LTBP1: variants seen among roughly 807,000 people sequenced by gnomAD.
LTBP1 encodes the protein latent-transforming growth factor beta-binding protein 1.
In LTBP1, 129 loss-of-function variants were observed where a neutral mutation model predicts 207.6. That is an observed-to-expected ratio of 0.62 (90% confidence interval 0.54 to 0.72). The LOEUF (loss-of-function observed/expected upper bound fraction) is 0.72, where lower values mean the gene tolerates loss of function less well. LTBP1 is among the 30% of genes least tolerant of loss of function. The pLI is 0.00. For missense variants in LTBP1, 2,281 were observed against 2,217.2 expected, an observed-to-expected ratio of 1.03 and a Z score of -0.58; for synonymous variants, 963 against 833.7, an observed-to-expected ratio of 1.16 and a Z score of -2.67.
intron 3 of LTBP1, among the ~76,000 whole-genome samples, chr2:33,050,516 T>C (rs922371397): frequency 1.3e-5 from 2 of 152,062 alleles, no homozygotes; most frequent in Non-Finnish European, 2.9e-5. Context: ...TAATGAACTA[T>C]TATGGAGTAT....
intron 26 of LTBP1, among the ~76,000 whole-genome samples, chr2:33,360,152 T>C (rs1367617760): frequency 6.6e-6 from 1 of 152,208 alleles, no homozygotes; most frequent in African/African-American, 2.4e-5. Context: ...TCAGAAAAGA[T>C]TGGGAGCATG....
intron 2 of LTBP1, among the ~76,000 whole-genome samples, chr2:32,993,771 C>G (rs1684809840): frequency 6.6e-6 from 1 of 152,294 alleles, no homozygotes; most frequent in Non-Finnish European, 1.5e-5. Context: ...GCCTGACCCC[C>G]TTGTGTAACA....
intron 31 of LTBP1, among the ~76,000 whole-genome samples, chr2:33,380,424 C>T (rs376340839): frequency 2.4e-5 from 3 of 125,682 alleles, no homozygotes; most frequent in Middle Eastern, 7.8e-3. Flanking sequence ...TAAAAAAATA[C>T]AAAAAAAAAA....
At chr2:33,338,056 C>A (rs1048168149) in intron 24 of LTBP1, among the ~76,000 whole-genome samples, 1 of 152,106 alleles carries the variant, frequency 6.6e-6, no homozygotes, top group Non-Finnish European at 1.5e-5. Flanking sequence ...TAAAGTGAAA[C>A]AAATGTCCTC....
At position 33,262,927 on chromosome 2, in the gene LTBP1, C is replaced by A. The variant is rs1467081530; in HGVS notation, c.2518+106C>A. The A allele has an allele frequency of 1.8e-5, 12 of 675,334 alleles. No individual in the cohort carries two copies. The Admixed American group carries it at 1.9e-4, about 11-fold the overall frequency. The allele number at this position is 675,334 out of a possible 1,614,324, so 41.8% of individuals were successfully genotyped here. ...TGTAGTAAATTACTAGACTTCATAA[C>A]TGAAGTTCAGTGTTAAGTATAGTAA... On this transcript the variant is annotated intron_variant, in intron 14 of 33. Transcript: ENST00000404816.
chr2:33,193,793 A>G (rs1267811737), intron 7 of LTBP1, among the ~76,000 whole-genome samples: 1 of 152,136 alleles, frequency 6.6e-6, no homozygotes, highest in African/African-American at 2.4e-5. Flanking sequence ...TAAGATGGCA[A>G]ACTTAATTGA....
At chr2:33,048,695 C>T (rs547576791) in intron 3 of LTBP1, among the ~76,000 whole-genome samples, 13 of 152,128 alleles carry the variant, frequency 8.5e-5, no homozygotes, top group Non-Finnish European at 1.5e-4. Context: ...TCGAGGGAAG[C>T]GTGTGTGCTC....
chr2:33,153,706 CCTGGT>C (rs2083723334), intron 5 of LTBP1, among the ~76,000 whole-genome samples: 2 of 152,126 alleles, frequency 1.3e-5, no homozygotes, highest in Non-Finnish European at 2.9e-5. Flanking sequence ...CTTGCCAATT[CCTGGT>C]AAATTCTAAG....
intron 2 of LTBP1, among the ~76,000 whole-genome samples, chr2:32,969,579 C>T (rs1365286864): frequency 2.0e-5 from 3 of 152,154 alleles, no homozygotes; most frequent in Non-Finnish European, 4.4e-5. Context: ...CCAGCTCCAT[C>T]CATGTTGTTG....
intron 4 of LTBP1, among the ~76,000 whole-genome samples, chr2:33,127,777 G>A (rs539434764): frequency 6.6e-6 from 1 of 152,272 alleles, no homozygotes; most frequent in South Asian, 2.1e-4. Flanking sequence ...AATCATGGAG[G>A]GAAGGAGTAT....
At chr2:33,071,926 A>G (rs574746700) in intron 3 of LTBP1, among the ~76,000 whole-genome samples, 11 of 152,356 alleles carry the variant, frequency 7.2e-5, no homozygotes, top group Admixed American at 1.3e-4. Context: ...GCAAGCAAGC[A>G]GTCAGTTCTG....
chr2:33,020,174 G>A (rs2075093832), intron 2 of LTBP1, among the ~76,000 whole-genome samples: 1 of 152,148 alleles, frequency 6.6e-6, no homozygotes, highest in Admixed American at 6.5e-5. Context: ...TAGCAGGTGT[G>A]TTTTGGGCGA....
chr2:33,295,231 A>G (rs559319097), intron 20 of LTBP1, among the ~76,000 whole-genome samples: 2 of 152,172 alleles, frequency 1.3e-5, no homozygotes, highest in South Asian at 4.2e-4. Flanking sequence ...CGAACTCTTT[A>G]TATATGTAAT....
In LTBP1 at chr2:33,399,064, T is replaced by C. The variant is rs921038365; in HGVS notation, c.*519T>C. On this transcript the variant is annotated 3_prime_UTR_variant, in exon 34 of 34. Transcript: ENST00000404816. Reference sequence around the variant, plus strand: ...TGCAATTCCCGGCCTGGAGCATTTTTGAAATTCAAATTGTCTGTCCTGTGG... The same window carrying C: ...TGCAATTCCCGGCCTGGAGCATTTTCGAAATTCAAATTGTCTGTCCTGTGG... 6.5e-6 allele frequency: 1 copy of C among 152,710 alleles called. No individual in the cohort carries two copies. The highest frequency in any genetic ancestry group is 1.5e-5 in the Non-Finnish European group (1 of 68,056). The allele number at this position is 152,710 out of a possible 1,614,324, so 9.5% of individuals were successfully genotyped here.
chr2:33,111,789 A>G (rs974062531), intron 4 of LTBP1, among the ~76,000 whole-genome samples: 1 of 152,166 alleles, frequency 6.6e-6, no homozygotes, highest in Admixed American at 6.6e-5. Context: ...CCCCAGAACA[A>G]TAGTTTGGTA....
At chr2:33,195,052 C>A (rs1335052337) in intron 7 of LTBP1, among the ~76,000 whole-genome samples, 1 of 152,170 alleles carries the variant, frequency 6.6e-6, no homozygotes, top group Non-Finnish European at 1.5e-5. Context: ...AGAACTGATG[C>A]TCAGAATAAA....
intron 2 of LTBP1, among the ~76,000 whole-genome samples, chr2:32,996,617 A>G (rs187770344): frequency 1.9e-4 from 29 of 152,262 alleles, no homozygotes; most frequent in Non-Finnish European, 3.5e-4. Flanking sequence ...CTGCTTGGCT[A>G]CTAGAGGCAC....
At chr2:33,244,252 A>G (rs1009187454) in intron 10 of LTBP1, among the ~76,000 whole-genome samples, 2 of 152,110 alleles carry the variant, frequency 1.3e-5, no homozygotes, top group African/African-American at 4.8e-5. Context: ...TTCTTTCTCA[A>G]TTGTAAGAGT....
At chr2:33,209,191 C>A (rs1428750240) in intron 7 of LTBP1, among the ~76,000 whole-genome samples, 1 of 151,998 alleles carries the variant, frequency 6.6e-6, no homozygotes, top group African/African-American at 2.4e-5. Flanking sequence ...TACTATTGCA[C>A]CCTGACTCTT....
Sources: gnomAD v4.1 joint callset for allele counts (sites outside exome capture counted in the v4.1 genomes callset) on GRCh38, gnomAD v4.1.1 for gene constraint, MANE v1.5 for transcripts, NCBI Gene and HGNC (gene_info 2026-07-23, HGNC 2026-07-21) for gene names.